The following TTC39C variants were observed in gnomAD, a reference collection of about 807,000 sequenced individuals.
TTC39C encodes the protein tetratricopeptide repeat protein 39C.
Under a neutral mutation model 76.3 loss-of-function variants are expected in TTC39C, and 33 were observed. The observed-to-expected ratio is 0.43, with a 90% confidence interval of 0.33 to 0.58. The LOEUF is 0.58. TTC39C is among the 20% of genes least tolerant of loss of function. The probability of loss-of-function intolerance (pLI) is 0.04; values close to 1 mark genes in which losing one functional copy is unlikely to be tolerated. For missense variants in TTC39C, 595 were observed against 701.4 expected, an observed-to-expected ratio of 0.85 and a Z score of 1.71; for synonymous variants, 254 against 260.6, an observed-to-expected ratio of 0.97 and a Z score of 0.24.
intron 8 of TTC39C, among the ~76,000 whole-genome samples, chr18:24,119,965 C>A (rs2084944138): frequency 1.2e-5 from 1 of 83,202 alleles, no homozygotes; most frequent in African/African-American, 9.6e-5. Context: ...ACATTAATTC[C>A]CCCCCCCCAA....
intron 1 of TTC39C, among the ~76,000 whole-genome samples, chr18:24,021,539 C>CTTTT (rs60505555): frequency 6.9e-4 from 82 of 118,786 alleles, no homozygotes; most frequent in South Asian, 1.1e-3. Flanking sequence ...TTCTTTCCTT[C>CTTTT]TTTTTTTTTT....
At chr18:24,125,036 G>A (rs1350713150) in intron 9 of TTC39C, among the ~76,000 whole-genome samples, 11 of 152,160 alleles carry the variant, frequency 7.2e-5, no homozygotes, top group African/African-American at 2.7e-4. Flanking sequence ...GGGATTACAG[G>A]CATGTGCCAC....
At chr18:24,049,062 C>T (rs2083919159) in intron 1 of TTC39C, among the ~76,000 whole-genome samples, 1 of 152,102 alleles carries the variant, frequency 6.6e-6, no homozygotes, top group Admixed American at 6.5e-5. Flanking sequence ...TTTATAATGC[C>T]ACCTTTAGTA....
intron 1 of TTC39C, among the ~76,000 whole-genome samples, chr18:24,052,020 T>C (rs558902667): frequency 6.6e-6 from 1 of 152,212 alleles, no homozygotes; most frequent in East Asian, 1.9e-4. Flanking sequence ...AAATATCAAA[T>C]AGTAATAAAT....
At chr18:24,001,102 C>T (rs12455940) in intron 1 of TTC39C, among the ~76,000 whole-genome samples, 10,028 of 152,252 alleles carry the variant, frequency 0.066, 637 homozygotes, top group Admixed American at 0.17. Context: ...TGCCTTCACT[C>T]GATTATCCTG....
At chr18:24,090,856 G>A (rs1469599328) in intron 6 of TTC39C, among the ~76,000 whole-genome samples, 1 of 138,426 alleles carries the variant, frequency 7.2e-6, no homozygotes, top group Non-Finnish European at 1.5e-5. Flanking sequence ...ACCCAGGCTG[G>A]AGTGCAGTGG....
intron 1 of TTC39C, among the ~76,000 whole-genome samples, chr18:24,045,409 C>T (rs1158677191): frequency 1.3e-5 from 2 of 152,118 alleles, no homozygotes; most frequent in Non-Finnish European, 2.9e-5. Flanking sequence ...CTTCCTATGG[C>T]TTAAAAATAA....
At chr18:24,123,810 A>G in intron 8 of TTC39C, 24 bp from the exon 9 acceptor site, 1 of 1,566,576 alleles carries the variant, frequency 6.4e-7, no homozygotes, top group Non-Finnish European at 8.7e-7. Context: ...TGTACTTAAG[A>G]AATATAATTA....
chr18:24,134,372 C>T lies in TTC39C; in HGVS notation c.*1798C>T, dbSNP rs905845284. ...CACTGCAACCTCTGCCTCCTGGGTT[C>T]ACACCATTCTCCTGCCTCAGCCTCC... is the stretch of plus-strand genomic sequence containing the variant. On this transcript the variant is annotated 3_prime_UTR_variant, in exon 14 of 14. Transcript: ENST00000317571. 7.0e-6 allele frequency: 1 copy of T among 142,858 alleles called. No individual in the cohort carries two copies. The highest frequency in any genetic ancestry group is 1.5e-5 in the Non-Finnish European group (1 of 66,514). 8.8% of individuals were successfully genotyped at this position (142,858 alleles called of 1,614,324 possible).
At chr18:24,078,414 ATTACG>A (rs1353691413) in intron 4 of TTC39C, among the ~76,000 whole-genome samples, 2 of 152,230 alleles carry the variant, frequency 1.3e-5, no homozygotes, top group Admixed American at 6.5e-5. Flanking sequence ...TTACAGCTAA[ATTACG>A]TTGCAGTCTT....
At chr18:24,120,653 T>G (rs748171655) in intron 8 of TTC39C, among the ~76,000 whole-genome samples, 11 of 152,212 alleles carry the variant, frequency 7.2e-5, no homozygotes, top group Non-Finnish European at 1.2e-4. Context: ...CTCTGGAACT[T>G]CTTCATCATC....
chr18:24,110,728 C>G (rs560104432), intron 6 of TTC39C, among the ~76,000 whole-genome samples: 1 of 152,178 alleles, frequency 6.6e-6, no homozygotes, highest in East Asian at 1.9e-4. Context: ...CCATGGCTGC[C>G]GATTATGCTG....
intron 7 of TTC39C, among the ~76,000 whole-genome samples, chr18:24,116,692 T>C (rs2084895821): frequency 6.6e-6 from 1 of 152,228 alleles, no homozygotes; most frequent in Admixed American, 6.5e-5. Flanking sequence ...TACTTAGTGA[T>C]GCACCTGATA....
intron 1 of TTC39C, among the ~76,000 whole-genome samples, chr18:24,018,683 G>A (rs184936968): frequency 6.6e-6 from 1 of 152,148 alleles, no homozygotes; most frequent in Admixed American, 6.5e-5. Context: ...AAGAGAATCA[G>A]TTGAATGAGG....
intron 8 of TTC39C, 68 bp downstream of exon 8, chr18:24,118,300 TG>T: frequency 8.6e-6 from 11 of 1,280,390 alleles, no homozygotes; most frequent in Non-Finnish European, 1.2e-5. Flanking sequence ...CGTGGGCAGA[TG>T]GGAGAATGAT....
At chr18:24,087,280 T>G (rs2084452407) in intron 6 of TTC39C, among the ~76,000 whole-genome samples, 1 of 152,230 alleles carries the variant, frequency 6.6e-6, no homozygotes, top group Non-Finnish European at 1.5e-5. Context: ...GGGACAAGTC[T>G]ATATTTTCAT....
intron 10 of TTC39C, among the ~76,000 whole-genome samples, chr18:24,126,145 C>A (rs1367383903): frequency 6.6e-6 from 1 of 152,078 alleles, no homozygotes; most frequent in African/African-American, 2.4e-5. Context: ...TTTGATCATG[C>A]CCCACCACTA....
chr18:24,065,736 CT>C (rs1448554983), intron 2 of TTC39C, among the ~76,000 whole-genome samples: 1 of 152,150 alleles, frequency 6.6e-6, no homozygotes. Context: ...ATTTTTGTTA[CT>C]GTGTTTAATA....
At chr18:23,993,333 C>T (rs1392583410) in intron 1 of TTC39C, among the ~76,000 whole-genome samples, 2 of 152,182 alleles carry the variant, frequency 1.3e-5, no homozygotes, top group African/African-American at 4.8e-5. Flanking sequence ...TGCATAGTAT[C>T]CCTTGGAGGG....
Sources: allele counts gnomAD v4.1 joint callset (sites outside exome capture counted in the v4.1 genomes callset), GRCh38; gene constraint gnomAD v4.1.1; transcripts MANE v1.5; gene names NCBI Gene and HGNC (gene_info 2026-07-23, HGNC 2026-07-21).